The following PRKN variants were observed in gnomAD, a reference collection of about 807,000 sequenced individuals.
The protein encoded by PRKN is E3 ubiquitin-protein ligase parkin.
In PRKN, 56 loss-of-function variants were observed where a neutral mutation model predicts 59.5. The observed-to-expected ratio is 0.94, with a 90% CI of 0.76 to 1.18. The LOEUF (loss-of-function observed/expected upper bound fraction) is 1.18. PRKN is among the 50% of genes most tolerant of loss of function. The pLI is 0.00. For missense variants in PRKN, 657 were observed against 596.4 expected (o/e 1.10, Z -1.06); for synonymous variants, 250 against 222.1 (o/e 1.13, Z -1.12).
intron 7 of PRKN, among the ~76,000 whole-genome samples, chr6:161,703,922 C>G (rs1477067206): frequency 1.5e-5 from 2 of 133,156 alleles, no homozygotes; most frequent in South Asian, 2.7e-4. Context: ...GTGGCACAAT[C>G]TCAGCTCACT....
intron 9 of PRKN, among the ~76,000 whole-genome samples, chr6:161,408,466 T>A (rs1470732982): frequency 6.6e-6 from 1 of 150,770 alleles, no homozygotes; most frequent in Non-Finnish European, 1.5e-5. Context: ...GGATTATGTT[T>A]GTTTTCTAGG....
chr6:162,329,163 C>T (rs569946718), intron 2 of PRKN, among the ~76,000 whole-genome samples: 1 of 152,246 alleles, frequency 6.6e-6, no homozygotes, highest in South Asian at 2.1e-4. Context: ...CATAATCCAA[C>T]ATCATGGGTT....
At chr6:161,957,529 A>G (rs1780225215) in intron 6 of PRKN, among the ~76,000 whole-genome samples, 1 of 151,506 alleles carries the variant, frequency 6.6e-6, no homozygotes, top group Non-Finnish European at 1.5e-5. Flanking sequence ...CGTTCAAGCG[A>G]TCCTCCTGCC....
At chr6:161,928,355 G>A (rs1779043267) in intron 6 of PRKN, among the ~76,000 whole-genome samples, 2 of 152,178 alleles carry the variant, frequency 1.3e-5, no homozygotes, top group South Asian at 2.1e-4. Flanking sequence ...CAGATTTGTA[G>A]GAGGAAATAA....
intron 6 of PRKN, among the ~76,000 whole-genome samples, chr6:161,824,145 C>T (rs1792145890): frequency 6.6e-6 from 1 of 152,158 alleles, no homozygotes; most frequent in Admixed American, 6.5e-5. Flanking sequence ...GTCCACACAC[C>T]CACCCAACGC....
chr6:161,814,754 A>G (rs1404484413), intron 6 of PRKN, among the ~76,000 whole-genome samples: 2 of 152,142 alleles, frequency 1.3e-5, no homozygotes, highest in Non-Finnish European at 2.9e-5. Context: ...TGCCCACCTC[A>G]GCCTCCCAAA....
At chr6:162,155,161 A>G (rs572971137) in intron 4 of PRKN, among the ~76,000 whole-genome samples, 2 of 151,778 alleles carry the variant, frequency 1.3e-5, no homozygotes, top group Admixed American at 1.3e-4. Flanking sequence ...ATTACTTCCC[A>G]TTAGGAGATG....
chr6:162,329,843 C>T (rs555886792), intron 2 of PRKN, among the ~76,000 whole-genome samples: 1 of 152,092 alleles, frequency 6.6e-6, no homozygotes, highest in South Asian at 2.1e-4. Context: ...TCAATATAGC[C>T]AAGATAATGG....
intron 6 of PRKN, among the ~76,000 whole-genome samples, chr6:161,858,041 T>A (rs972650715): frequency 6.6e-6 from 1 of 152,186 alleles, no homozygotes; most frequent in Non-Finnish European, 1.5e-5. Context: ...TTAAAAAATA[T>A]ATTTGCCATA....
intron 4 of PRKN, among the ~76,000 whole-genome samples, chr6:162,140,161 T>C (rs1401173640): frequency 1.3e-5 from 2 of 152,216 alleles, no homozygotes; most frequent in African/African-American, 4.8e-5. Context: ...CAATTGGGGA[T>C]TGCATTATGA....
At chr6:161,944,517 T>C (rs1365641263) in intron 6 of PRKN, among the ~76,000 whole-genome samples, 1 of 152,222 alleles carries the variant, frequency 6.6e-6, no homozygotes, top group East Asian at 1.9e-4. Context: ...CCAAATCCCT[T>C]CTCTGTCCTT....
At chr6:162,477,645 C>T (rs933388675) in intron 1 of PRKN, among the ~76,000 whole-genome samples, 1 of 152,148 alleles carries the variant, frequency 6.6e-6, no homozygotes, top group African/African-American at 2.4e-5. Flanking sequence ...TCTTGCTATA[C>T]TTTCCCCTTT....
intron 2 of PRKN, chr6:162,270,098 T>C (rs1009589327): frequency 8.5e-5 from 13 of 152,164 alleles, no homozygotes; most frequent in East Asian, 3.9e-4. Context: ...CAATTCACAA[T>C]TGCAAAATCG....
intron 1 of PRKN, among the ~76,000 whole-genome samples, chr6:162,457,880 G>A (rs1400999146): frequency 6.6e-6 from 1 of 151,734 alleles, no homozygotes; most frequent in African/African-American, 2.4e-5. Flanking sequence ...CAGCACTTTG[G>A]GAGGCCGAGG....
intron 1 of PRKN, among the ~76,000 whole-genome samples, chr6:162,715,394 C>A (rs940530086): frequency 6.6e-6 from 1 of 152,114 alleles, no homozygotes; most frequent in Non-Finnish European, 1.5e-5. Context: ...GAATGAAATT[C>A]GGTTTTTAAA....
chr6:162,694,075 G>A (rs908035605), intron 1 of PRKN, among the ~76,000 whole-genome samples: 4 of 151,756 alleles, frequency 2.6e-5, no homozygotes, highest in Non-Finnish European at 5.9e-5. Flanking sequence ...GTGAAACCCC[G>A]TATCTACTAA....
At chr6:161,683,280 C>A (rs1012737107) in intron 7 of PRKN, among the ~76,000 whole-genome samples, 2 of 152,182 alleles carry the variant, frequency 1.3e-5, no homozygotes, top group Non-Finnish European at 2.9e-5. Context: ...AACTCAGTCT[C>A]TCTTGTTCCA....
intron 2 of PRKN, among the ~76,000 whole-genome samples, chr6:162,351,755 T>C (rs943300270): frequency 2.6e-5 from 4 of 152,136 alleles, no homozygotes; most frequent in Non-Finnish European, 5.9e-5. Flanking sequence ...CACTGTAACA[T>C]AGATGAATCT....
At chr6:162,336,775 A>G (rs1010058621) in intron 2 of PRKN, among the ~76,000 whole-genome samples, 6 of 152,334 alleles carry the variant, frequency 3.9e-5, no homozygotes, top group Admixed American at 3.3e-4. Context: ...GCCTAATCTC[A>G]GGGATACTAA....
Sources: allele counts gnomAD v4.1 joint callset (sites outside exome capture counted in the v4.1 genomes callset), GRCh38; gene constraint gnomAD v4.1.1; transcripts MANE v1.5; gene names NCBI Gene and HGNC (gene_info 2026-07-23, HGNC 2026-07-21).